Variants in BMPR2 observed in about 807,000 individuals in gnomAD.
The protein encoded by BMPR2 is bone morphogenetic protein receptor type-2.
A neutral mutation model predicts 100.8 loss-of-function variants in BMPR2; 29 were observed. The observed-to-expected ratio is 0.29, with a 90% CI of 0.21 to 0.39. The LOEUF is 0.39. BMPR2 is among the 10% of genes least tolerant of loss of function. BMPR2 has a pLI of 1.00. For synonymous variants in BMPR2, 382 were observed against 442.3 expected, an observed-to-expected ratio of 0.86 and a Z score of 1.71; for missense variants, 1,011 against 1,274.5, an observed-to-expected ratio of 0.79 and a Z score of 3.15.
chr2:202,513,180 A>G (rs1687654998), intron 3 of BMPR2, among the ~76,000 whole-genome samples: 1 of 151,900 alleles, frequency 6.6e-6, no homozygotes, highest in Non-Finnish European at 1.5e-5. Context: ...TATGTTGTCC[A>G]GGCTGGCCTT....
intron 7 of BMPR2, among the ~76,000 whole-genome samples, chr2:202,522,996 A>G (rs1043342476): frequency 6.6e-6 from 1 of 152,326 alleles, no homozygotes; most frequent in South Asian, 2.1e-4. Flanking sequence ...ACAAAGGTCT[A>G]ATATCCAGAA....
chr2:202,531,074 G>C (rs1402592229), intron 8 of BMPR2, 120 bp downstream of exon 8: 1 of 1,209,044 alleles, frequency 8.3e-7, no homozygotes, highest in Admixed American at 1.9e-5. Context: ...AGGCCCAGGT[G>C]GGTGGATCAC....
At chr2:202,484,968 C>CAAAAAA (rs747890922) in intron 3 of BMPR2, among the ~76,000 whole-genome samples, 4 of 59,654 alleles carry the variant, frequency 6.7e-5, no homozygotes, top group Admixed American at 4.2e-4. Context: ...GACTCCGTCT[C>CAAAAAA]AAAAAAAAAA....
chr2:202,527,862 CTT>C (rs2106015578), intron 7 of BMPR2, among the ~76,000 whole-genome samples: 1 of 152,082 alleles, frequency 6.6e-6, no homozygotes, highest in Admixed American at 6.5e-5. Flanking sequence ...TGTTTCTTGA[CTT>C]ACAATGGGAT....
chr2:202,474,946 C>T (rs1288561124), intron 3 of BMPR2: 1 of 152,116 alleles, frequency 6.6e-6, no homozygotes, highest in East Asian at 1.9e-4. Context: ...AGAAAAATGA[C>T]ATAAGTAGCA....
intron 1 of BMPR2, among the ~76,000 whole-genome samples, chr2:202,400,346 C>T (rs932185344): frequency 2.7e-5 from 4 of 147,558 alleles, no homozygotes; most frequent in African/African-American, 7.5e-5. Context: ...GACAACGTCT[C>T]GCTATGTTGC....
chr2:202,544,648 A>C (rs1034314339), intron 10 of BMPR2, among the ~76,000 whole-genome samples: 3 of 151,236 alleles, frequency 2.0e-5, no homozygotes, highest in Non-Finnish European at 4.4e-5. Flanking sequence ...TTTCACCTTG[A>C]TGTTTGTAGG....
At position 202,440,404 on chromosome 2, in the gene BMPR2, C is replaced by T. The variant is rs1156320023; in HGVS notation, c.77-24405C>T. ...GCAGAGGCGCTCCCCACATCTCAGA[C>T]GATGGGCAGCCGGGCAGAGACGCTC... On this transcript the variant is annotated intron_variant, in intron 1 of 12. Coordinates refer to ENST00000374580, the MANE Select transcript of BMPR2 (RefSeq NM_001204.7). Among the ~76,000 whole-genome samples, 61 of 147,394 alleles carry T rather than the reference C, an allele frequency of 4.1e-4. 1 individual carries two copies. Among genetic ancestry groups the T allele is most frequent in the Non-Finnish European group, 4.4e-5 (3 of 67,672 alleles).
intron 1 of BMPR2, among the ~76,000 whole-genome samples, chr2:202,412,257 AAAAC>A (rs977954746): frequency 1.1e-4 from 16 of 152,204 alleles, no homozygotes; most frequent in Admixed American, 4.6e-4. Context: ...AAGTCACCAA[AAAAC>A]AAACAAAGAA....
chr2:202,497,302 G>C (rs1310690286), intron 3 of BMPR2, among the ~76,000 whole-genome samples: 1 of 152,210 alleles, frequency 6.6e-6, no homozygotes, highest in African/African-American at 2.4e-5. Flanking sequence ...AGCGGTGAGA[G>C]CATCACCTAT....
chr2:202,416,600 ATTT>A (rs896444925), intron 1 of BMPR2, among the ~76,000 whole-genome samples: 2 of 146,588 alleles, frequency 1.4e-5, no homozygotes, highest in Non-Finnish European at 3.0e-5. Context: ...TAATTTTTGT[ATTT>A]TTAGTAGAGA....
intron 9 of BMPR2, among the ~76,000 whole-genome samples, chr2:202,534,221 G>A (rs1199498): frequency 0.63 from 88,464 of 140,562 alleles, 27,261 homozygotes; most frequent in African/African-American, 0.76. Flanking sequence ...GTGTGTGTGT[G>A]TATATATATA....
intron 7 of BMPR2, among the ~76,000 whole-genome samples, chr2:202,522,579 G>A (rs572221105): frequency 2.7e-5 from 4 of 150,760 alleles, no homozygotes; most frequent in South Asian, 2.1e-4. Flanking sequence ...TCTATAATCC[G>A]AACAATTTGG....
At chr2:202,469,709 C>T (rs905545978) in intron 3 of BMPR2, among the ~76,000 whole-genome samples, 11 of 152,028 alleles carry the variant, frequency 7.2e-5, no homozygotes, top group African/African-American at 2.2e-4. Context: ...AAATTCCCGA[C>T]CTCAGATGGA....
chr2:202,502,275 T>TA (rs1407248481), intron 3 of BMPR2, among the ~76,000 whole-genome samples: 1 of 152,132 alleles, frequency 6.6e-6, no homozygotes, highest in Non-Finnish European at 1.5e-5. Flanking sequence ...GTGGGAATCT[T>TA]ACACTGACAA....
intron 9 of BMPR2, among the ~76,000 whole-genome samples, chr2:202,538,750 C>T (rs191328804): frequency 7.4e-5 from 11 of 147,792 alleles, no homozygotes; most frequent in South Asian, 2.2e-4. Flanking sequence ...GCAGAGATCG[C>T]GCCACCGCAC....
At chr2:202,454,578 C>T (rs994397922) in intron 1 of BMPR2, among the ~76,000 whole-genome samples, 1 of 151,950 alleles carries the variant, frequency 6.6e-6, no homozygotes, top group African/African-American at 2.4e-5. Context: ...TAACTTGTTA[C>T]GTTATTGAGC....
chr2:202,472,426 A>G (rs1428594101), intron 3 of BMPR2, among the ~76,000 whole-genome samples: 1 of 152,202 alleles, frequency 6.6e-6, no homozygotes, highest in Non-Finnish European at 1.5e-5. Context: ...TGGGAGGCCA[A>G]GGTGGGTGGA....
chr2:202,420,699 A>G lies in BMPR2; in HGVS notation c.76+43149A>G, dbSNP rs552893258. Among the ~76,000 whole-genome samples the G allele has an allele frequency of 5.3e-5, 8 of 151,618 alleles. 1 individual carries two copies. In the South Asian group the frequency reaches 1.7e-3, roughly 32 times the overall value. ...GTAGCTGGGACCACAGGTGCATGCC[A>G]CCATGCCTGGCTAATTTTTGTAGTT... On this transcript the variant is annotated intron_variant, in intron 1 of 12. Transcript: ENST00000374580.
Sources: gnomAD v4.1 joint callset for allele counts (sites outside exome capture counted in the v4.1 genomes callset) on GRCh38, gnomAD v4.1.1 for gene constraint, MANE v1.5 for transcripts, NCBI Gene and HGNC (gene_info 2026-07-23, HGNC 2026-07-21) for gene names.